The following TUSC3 variants were observed in gnomAD, a reference collection of about 807,000 sequenced individuals.
TUSC3 encodes the protein dolichyl-diphosphooligosaccharide--protein glycosyltransferase subunit TUSC3.
TUSC3 carries 45 observed loss-of-function variants against 44.8 expected under a neutral mutation model. That is an observed-to-expected ratio of 1.00 (90% CI 0.79 to 1.29). The LOEUF (loss-of-function observed/expected upper bound fraction) is 1.29, where lower values mean the gene tolerates loss of function less well. TUSC3 is among the 50% of genes most tolerant of loss of function. The pLI is 0.00. For missense variants in TUSC3, 519 were observed against 437.9 expected (o/e 1.19, Z -1.65); for synonymous variants, 212 against 152.9 (o/e 1.39, Z -2.85).
At chr8:15,497,781 G>T (rs1458310923) in intron 2 of TUSC3, among the ~76,000 whole-genome samples, 6 of 149,294 alleles carry the variant, frequency 4.0e-5, no homozygotes, top group African/African-American at 1.5e-4. Flanking sequence ...GTCTCGCTCT[G>T]TCTCCCAGGC....
At chr8:15,644,495 A>G (rs1806535519) in intron 2 of TUSC3, among the ~76,000 whole-genome samples, 2 of 152,306 alleles carry the variant, frequency 1.3e-5, no homozygotes, top group Admixed American at 1.3e-4. Context: ...AAGTGTGCTA[A>G]TAAGCTTTCG....
intron 1 of TUSC3, among the ~76,000 whole-genome samples, chr8:15,471,796 T>C (rs1800497432): frequency 6.6e-6 from 1 of 152,094 alleles, no homozygotes; most frequent in Non-Finnish European, 1.5e-5. Flanking sequence ...TTTTGTATTT[T>C]AAGTAGAGAC....
chr8:15,513,321 AT>A (rs1240742909), intron 2 of TUSC3, among the ~76,000 whole-genome samples: 9 of 152,122 alleles, frequency 5.9e-5, no homozygotes, highest in Non-Finnish European at 1.3e-4. Context: ...ATAAAAAATA[AT>A]TTTTTAAATG....
At chr8:15,810,651 G>C in the TUSC3 span, among the ~76,000 whole-genome samples, 352 of 151,798 alleles carry the variant, frequency 2.3e-3, 1 homozygote, top group Non-Finnish European at 3.4e-3. Flanking sequence ...GCCAAGGAGG[G>C]GGGGCGGGAA....
At chr8:15,582,016 C>T (rs1473993155) in intron 1 of TUSC3, among the ~76,000 whole-genome samples, 4 of 151,968 alleles carry the variant, frequency 2.6e-5, no homozygotes, top group Non-Finnish European at 5.9e-5. Context: ...TTGTGGTGCG[C>T]CGCTTTTTAA....
intron 1 of TUSC3, among the ~76,000 whole-genome samples, chr8:15,581,572 C>G (rs1395103840): frequency 1.3e-5 from 2 of 148,686 alleles, no homozygotes; most frequent in Non-Finnish European, 3.0e-5. Flanking sequence ...TTGGAATACC[C>G]TGCAGTGTGA....
the TUSC3 span, among the ~76,000 whole-genome samples, chr8:15,835,115 C>T: frequency 6.6e-6 from 1 of 152,154 alleles, no homozygotes; most frequent in Non-Finnish European, 1.5e-5. Flanking sequence ...TCTTCAGTAA[C>T]TTTTAATTTT....
At chr8:15,481,233 G>A (rs1022015447) in intron 1 of TUSC3, among the ~76,000 whole-genome samples, 1 of 131,982 alleles carries the variant, frequency 7.6e-6, no homozygotes, top group Non-Finnish European at 1.5e-5. Flanking sequence ...AGCAGCAAGA[G>A]TGAAACTCCA....
chr8:15,682,470 G>A lies in TUSC3; in HGVS notation c.798+8634G>A, dbSNP rs182730998. 7.4e-3 allele frequency among the ~76,000 whole-genome samples: 1,123 copies of A among 151,940 alleles called. 5 individuals carry two copies. Among genetic ancestry groups the A allele is most frequent in the Non-Finnish European group, 0.012 (823 of 67,930 alleles). ...GTCGTTTTAAAGTCACTTTTATCTC[G>A]TGTAAGTACAACCTCTGCTCTGTTT... On this transcript the variant is annotated intron_variant, in intron 6 of 10. Transcript: ENST00000503731.
At chr8:15,814,017 G>A in the TUSC3 span, among the ~76,000 whole-genome samples, 1 of 152,296 alleles carries the variant, frequency 6.6e-6, no homozygotes, top group Non-Finnish European at 1.5e-5. Context: ...GACTAAACAA[G>A]CTAATAGCCA....
At chr8:15,747,205 AT>A (rs1170049399) in intron 8 of TUSC3, among the ~76,000 whole-genome samples, 1 of 152,106 alleles carries the variant, frequency 6.6e-6, no homozygotes, top group Non-Finnish European at 1.5e-5. Flanking sequence ...TGGTTTATAT[AT>A]TGGAAAAAAT....
the TUSC3 span, among the ~76,000 whole-genome samples, chr8:15,804,501 T>G: frequency 1.3e-5 from 2 of 152,210 alleles, no homozygotes; most frequent in Non-Finnish European, 2.9e-5. Flanking sequence ...GAGGTAAGTT[T>G]TGTATGTGGT....
At chr8:15,552,885 G>C (rs1802105926) in intron 1 of TUSC3, among the ~76,000 whole-genome samples, 1 of 151,740 alleles carries the variant, frequency 6.6e-6, no homozygotes, top group African/African-American at 2.4e-5. Context: ...TTCTGCAGAT[G>C]TCAAAGTGAG....
the TUSC3 span, among the ~76,000 whole-genome samples, chr8:15,812,329 A>G: frequency 3.3e-5 from 5 of 152,322 alleles, no homozygotes; most frequent in East Asian, 5.8e-4. Flanking sequence ...TTGTCTGTGT[A>G]CGTTCTAACT....
chr8:15,726,885 A>C (rs1810516838), intron 6 of TUSC3, among the ~76,000 whole-genome samples: 1 of 152,168 alleles, frequency 6.6e-6, no homozygotes, highest in Non-Finnish European at 1.5e-5. Flanking sequence ...TTCTCAAAAT[A>C]TTTGTTCCTT....
Position 15,764,219 on chromosome 8 carries a change from A to G in TUSC3, c.*63A>G. The G allele has an allele frequency of 6.2e-7, 1 of 1,607,084 alleles. No homozygotes were observed. Among genetic ancestry groups the G allele is most frequent in the Non-Finnish European group, 8.5e-7 (1 of 1,174,836 alleles). ...CTTTTTCAGCTTTTTAATTAAATGA[A>G]GCCAAGTGGGATTTGCATAAAGTGA... On this transcript the variant is annotated 3_prime_UTR_variant, in exon 11 of 11. Transcript: ENST00000503731.
At chr8:15,604,705 C>T (rs757372789) in intron 1 of TUSC3, among the ~76,000 whole-genome samples, 40 of 151,824 alleles carry the variant, frequency 2.6e-4, no homozygotes, top group Middle Eastern at 3.4e-3. Flanking sequence ...TCAAAGTAAG[C>T]CTTTGAACAG....
At chr8:15,770,577 A>C (rs146659398), downstream of TUSC3, among the ~76,000 whole-genome samples, 1,377 of 152,272 alleles carry the variant, frequency 9.0e-3, 27 homozygotes, top group Admixed American at 0.042. Context: ...AAAAGGAGTC[A>C]AATATAAATT....
intron 1 of TUSC3, among the ~76,000 whole-genome samples, chr8:15,562,606 G>A (rs1186715068): frequency 2.0e-5 from 3 of 152,118 alleles, no homozygotes; most frequent in Admixed American, 6.6e-5. Context: ...ACCGGGTTGC[G>A]TTCTTTTCTG....
Sources: gnomAD v4.1 joint callset for allele counts (sites outside exome capture counted in the v4.1 genomes callset) on GRCh38, gnomAD v4.1.1 for gene constraint, MANE v1.5 for transcripts, NCBI Gene and HGNC (gene_info 2026-07-23, HGNC 2026-07-21) for gene names.